The following SND1 variants were observed in gnomAD, a reference collection of about 807,000 sequenced individuals.
SND1 encodes the protein staphylococcal nuclease and tudor domain containing 1.
In SND1, 38 loss-of-function variants were observed where a neutral mutation model predicts 121.7. The ratio of observed to expected loss-of-function variants is 0.31; its 90% CI spans 0.24 to 0.41. The LOEUF is 0.41. SND1 is among the 10% of genes least tolerant of loss of function. SND1 has a pLI of 1.00. For synonymous variants in SND1, 401 were observed against 447.4 expected (o/e 0.90, Z 1.31); for missense variants, 868 against 1,184.6 (o/e 0.73, Z 3.92).
chr7:127,970,843 C>G (rs1801967875), intron 15 of SND1, among the ~76,000 whole-genome samples: 1 of 152,100 alleles, frequency 6.6e-6, no homozygotes, highest in Non-Finnish European at 1.5e-5. Flanking sequence ...GGTATGGTGG[C>G]TCATGCCTAT....
intron 16 of SND1, among the ~76,000 whole-genome samples, chr7:128,040,474 T>C (rs1339982633): frequency 7.4e-6 from 1 of 134,986 alleles, no homozygotes; most frequent in African/African-American, 2.8e-5. Flanking sequence ...AAAGACATGG[T>C]TTGACACCTA....
chr7:128,033,138 T>C (rs955258960), intron 16 of SND1, among the ~76,000 whole-genome samples: 24 of 152,318 alleles, frequency 1.6e-4, no homozygotes, highest in African/African-American at 4.1e-4. Flanking sequence ...GCTAGGACTC[T>C]GAGAAGAACT....
At chr7:128,054,522 T>C (rs1251967795) in intron 16 of SND1, among the ~76,000 whole-genome samples, 1 of 152,262 alleles carries the variant, frequency 6.6e-6, no homozygotes, top group Non-Finnish European at 1.5e-5. Context: ...CAGATATGAA[T>C]GCCTTGCACG....
Position 127,765,676 on chromosome 7 carries a change from C to G in SND1, c.1153-41808C>G, listed in dbSNP as rs554395957. Among the ~76,000 whole-genome samples the G allele has an allele frequency of 2.0e-5, 3 of 152,274 alleles. No individual in the cohort carries two copies. In the South Asian group the frequency reaches 6.2e-4, roughly 32 times the overall value. On this transcript the variant is annotated intron_variant, in intron 10 of 23. Coordinates refer to ENST00000354725, the MANE Select transcript of SND1 (RefSeq NM_014390.4). ...TAGCTCCCTATGACTCTTGGAAATT[C>G]TTCCTTTATAGAAGTTTTAGAAGAT...
At chr7:127,848,787 A>G (rs1584615831) in intron 12 of SND1, among the ~76,000 whole-genome samples, 1 of 152,174 alleles carries the variant, frequency 6.6e-6, no homozygotes, top group Non-Finnish European at 1.5e-5. Context: ...GTTTAGATGC[A>G]TTTCACATGC....
intron 16 of SND1, among the ~76,000 whole-genome samples, chr7:128,041,684 ACT>A (rs1202876654): frequency 1.3e-5 from 2 of 152,040 alleles, no homozygotes; most frequent in East Asian, 1.9e-4. Flanking sequence ...TCATGTACAT[ACT>A]CTCTCACATT....
chr7:127,654,481 C>G (rs1406775368), intron 1 of SND1, among the ~76,000 whole-genome samples: 1 of 152,180 alleles, frequency 6.6e-6, no homozygotes, highest in African/African-American at 2.4e-5. Context: ...GACTTCATGA[C>G]TCCAGGGTAT....
chr7:127,993,478 G>A (rs777698357), intron 16 of SND1, among the ~76,000 whole-genome samples: 3 of 152,170 alleles, frequency 2.0e-5, no homozygotes, highest in Non-Finnish European at 2.9e-5. Flanking sequence ...GTGGGCCCAC[G>A]ACCTCCCACC....
chr7:127,872,628 G>GCACACACA (rs56324746), intron 12 of SND1, among the ~76,000 whole-genome samples: 107 of 139,964 alleles, frequency 7.6e-4, no homozygotes, highest in South Asian at 2.4e-3. Context: ...TAACACACAC[G>GCACACACA]CACACACACA....
At chr7:128,077,921 T>A (rs975425922) in intron 17 of SND1, among the ~76,000 whole-genome samples, 1 of 152,246 alleles carries the variant, frequency 6.6e-6, no homozygotes, top group Admixed American at 6.5e-5. Flanking sequence ...GTACAACTAC[T>A]GTTTCTTCTG....
At chr7:127,885,782 C>T (rs1799893683) in intron 12 of SND1, among the ~76,000 whole-genome samples, 1 of 152,088 alleles carries the variant, frequency 6.6e-6, no homozygotes, top group South Asian at 2.1e-4. Flanking sequence ...CTCCAAACCC[C>T]ATGTATTTAC....
At chr7:127,670,834 TA>T (rs930807697) in intron 1 of SND1, among the ~76,000 whole-genome samples, 426 of 137,370 alleles carry the variant, frequency 3.1e-3, no homozygotes, top group Middle Eastern at 7.4e-3. Flanking sequence ...TATATGCAAT[TA>T]AAAAAAAAAA....
chr7:127,893,709 A>G (rs371272704), intron 13 of SND1, among the ~76,000 whole-genome samples: 15 of 152,160 alleles, frequency 9.9e-5, no homozygotes, highest in African/African-American at 3.6e-4. Context: ...TTATCTTTTC[A>G]TGTGTATTCT....
intron 16 of SND1, among the ~76,000 whole-genome samples, chr7:128,039,305 G>A (rs1792808241): frequency 6.6e-6 from 1 of 152,080 alleles, no homozygotes. Context: ...AAGAGCAGAG[G>A]CCCCTGCATC....
intron 9 of SND1, among the ~76,000 whole-genome samples, chr7:127,710,222 TTG>T (rs1308826686): frequency 6.6e-6 from 1 of 152,184 alleles, no homozygotes; most frequent in African/African-American, 2.4e-5. Flanking sequence ...CGCTTGTGTA[TTG>T]TGTGTGTCTG....
At chr7:127,744,017 G>A (rs1018429245) in intron 10 of SND1, among the ~76,000 whole-genome samples, 2 of 152,092 alleles carry the variant, frequency 1.3e-5, no homozygotes, top group Non-Finnish European at 2.9e-5. Context: ...TAGAGTTGCT[G>A]TAAAAATCTC....
At chr7:128,014,804 A>AT (rs1405806146) in intron 16 of SND1, among the ~76,000 whole-genome samples, 7 of 152,062 alleles carry the variant, frequency 4.6e-5, no homozygotes, top group Admixed American at 6.6e-5. Context: ...AGAGATGAAG[A>AT]TTTTTTTTAA....
intron 10 of SND1, 121 bp downstream of exon 10, chr7:127,721,521 A>T: frequency 7.2e-6 from 4 of 555,112 alleles, no homozygotes; most frequent in Non-Finnish European, 1.3e-5. Flanking sequence ...AAGTATTTTA[A>T]ATCTCCACAG....
intron 11 of SND1, among the ~76,000 whole-genome samples, chr7:127,839,904 G>A (rs917440133): frequency 2.6e-5 from 4 of 152,070 alleles, no homozygotes; most frequent in Admixed American, 1.3e-4. Context: ...TATCCTCCAC[G>A]GTTTAAATAA....
Sources: allele counts gnomAD v4.1 joint callset (sites outside exome capture counted in the v4.1 genomes callset), GRCh38; gene constraint gnomAD v4.1.1; transcripts MANE v1.5; gene names NCBI Gene and HGNC (gene_info 2026-07-23, HGNC 2026-07-21).